The following ACTR3C variants were observed in gnomAD, a reference collection of about 807,000 sequenced individuals.
The protein encoded by ACTR3C is actin related protein 3C, also known as actin-related protein 3C.
ACTR3C carries 18 observed loss-of-function variants against 26.3 expected under a neutral mutation model. That is an observed-to-expected ratio of 0.68 (90% CI 0.47 to 1.01). The LOEUF (loss-of-function observed/expected upper bound fraction) is 1.01. ACTR3C is among the 50% of genes least tolerant of loss of function. The probability of loss-of-function intolerance (pLI) is 0.00; values close to 1 mark genes in which losing one functional copy is unlikely to be tolerated. For missense variants in ACTR3C, 184 were observed against 250.7 expected (o/e 0.73, Z 1.80); for synonymous variants, 55 against 94.5 (o/e 0.58, Z 2.42).
the ACTR3C span, among the ~76,000 whole-genome samples, chr7:150,036,070 G>A: frequency 2.0e-4 from 15 of 74,780 alleles, no homozygotes; most frequent in South Asian, 3.6e-4. Context: ...TCCCCGCGTC[G>A]CGAGGGGTGC....
chr7:150,035,949 G>T, the ACTR3C span, among the ~76,000 whole-genome samples: 1 of 133,288 alleles, frequency 7.5e-6, no homozygotes, highest in African/African-American at 2.8e-5. Context: ...GGGGTCCTCA[G>T]AGCCAGGGCG....
At chr7:150,065,306 C>A in the ACTR3C span, among the ~76,000 whole-genome samples, 1 of 152,158 alleles carries the variant, frequency 6.6e-6, no homozygotes, top group Non-Finnish European at 1.5e-5. Flanking sequence ...AATTTACCAT[C>A]GAAAACCAAA....
At chr7:150,235,730 T>A in the ACTR3C span, among the ~76,000 whole-genome samples, 1 of 152,078 alleles carries the variant, frequency 6.6e-6, no homozygotes, top group Non-Finnish European at 1.5e-5. Context: ...ATTAGGAATG[T>A]AAAAACACGC....
chr7:150,038,297 C>A, the ACTR3C span, among the ~76,000 whole-genome samples: 1 of 144,744 alleles, frequency 6.9e-6, no homozygotes, highest in African/African-American at 2.6e-5. Flanking sequence ...AGGCTACGGG[C>A]CTCAGCCAGG....
chr7:149,964,809 C>T, the ACTR3C span, among the ~76,000 whole-genome samples: 7 of 152,038 alleles, frequency 4.6e-5, no homozygotes, highest in Non-Finnish European at 8.8e-5. Context: ...GATTTGAGTT[C>T]ACTGGTTTCT....
At chr7:150,095,502 T>C in the ACTR3C span, among the ~76,000 whole-genome samples, 6 of 150,632 alleles carry the variant, frequency 4.0e-5, no homozygotes, top group Non-Finnish European at 8.8e-5. Context: ...ATCTGAAAAA[T>C]AGGCCTTTTC....
the ACTR3C span, among the ~76,000 whole-genome samples, chr7:150,073,180 C>A: frequency 2.6e-5 from 4 of 152,066 alleles, no homozygotes; most frequent in Admixed American, 2.6e-4. Context: ...TTCAGAGAGA[C>A]CCCTCACCCC....
the ACTR3C span, among the ~76,000 whole-genome samples, chr7:149,886,488 C>T: frequency 6.6e-6 from 1 of 152,106 alleles, no homozygotes; most frequent in African/African-American, 2.4e-5. Context: ...CAAGATATTC[C>T]TGGAAAAGCA....
the ACTR3C span, among the ~76,000 whole-genome samples, chr7:150,149,815 A>G: frequency 1.3e-5 from 2 of 152,078 alleles, no homozygotes; most frequent in African/African-American, 4.8e-5. Context: ...CTTCCCAATG[A>G]GGTTATAAAG....
intron 6 of ACTR3C, among the ~76,000 whole-genome samples, chr7:150,284,534 A>C (rs1189361251): frequency 1.3e-5 from 2 of 152,238 alleles, no homozygotes; most frequent in Non-Finnish European, 2.9e-5. Flanking sequence ...TGACAGAGCA[A>C]GACTCCGTCT....
chr7:150,129,562 T>G, the ACTR3C span, among the ~76,000 whole-genome samples: 4 of 152,266 alleles, frequency 2.6e-5, no homozygotes, highest in Middle Eastern at 6.8e-3. Flanking sequence ...AAAAGTCAAT[T>G]TACAAAAATA....
the ACTR3C span, among the ~76,000 whole-genome samples, chr7:150,006,481 G>T: frequency 6.7e-6 from 1 of 149,596 alleles, no homozygotes; most frequent in Non-Finnish European, 1.5e-5. Context: ...ACAGGCATGA[G>T]CCACCGCAAA....
chr7:150,225,505 T>C, the ACTR3C span, among the ~76,000 whole-genome samples: 1 of 152,232 alleles, frequency 6.6e-6, no homozygotes, highest in Non-Finnish European at 1.5e-5. Context: ...AGTTCTACTC[T>C]ATATGTACAG....
the ACTR3C span, among the ~76,000 whole-genome samples, chr7:149,952,095 CTTA>C: frequency 3.4e-4 from 52 of 151,294 alleles, no homozygotes; most frequent in African/African-American, 1.2e-3. Flanking sequence ...TCTTCCTCTT[CTTA>C]TAAGGATGTC....
the ACTR3C span, among the ~76,000 whole-genome samples, chr7:149,953,789 C>T: frequency 1.4e-5 from 2 of 147,712 alleles, no homozygotes; most frequent in African/African-American, 5.0e-5. Flanking sequence ...TGATATTAGA[C>T]TAGGAGTGAT....
intron 1 of ACTR3C, among the ~76,000 whole-genome samples, chr7:150,309,545 C>G (rs1354223331): frequency 6.6e-6 from 1 of 152,168 alleles, no homozygotes; most frequent in Admixed American, 6.5e-5. Flanking sequence ...CCCAGCCATG[C>G]CTTCAGCACA....
chr7:150,250,533 A>G (rs550082388), intron 6 of ACTR3C, among the ~76,000 whole-genome samples: 2 of 151,882 alleles, frequency 1.3e-5, no homozygotes, highest in East Asian at 1.9e-4. Context: ...CACCTTAGCT[A>G]CTGTGTTGAG....
the ACTR3C span, among the ~76,000 whole-genome samples, chr7:150,206,477 G>A: frequency 1.3e-5 from 2 of 151,994 alleles, no homozygotes; most frequent in South Asian, 2.1e-4. Context: ...GAAATGGCAC[G>A]ATTTTGGCTC....
the ACTR3C span, among the ~76,000 whole-genome samples, chr7:150,080,324 T>C: frequency 6.6e-6 from 1 of 150,920 alleles, no homozygotes; most frequent in Non-Finnish European, 1.5e-5. Context: ...TCCTTCCTTC[T>C]CTCATCTGCA....
Sources: allele counts gnomAD v4.1 joint callset (sites outside exome capture counted in the v4.1 genomes callset), GRCh38; gene constraint gnomAD v4.1.1; transcripts MANE v1.5; gene names NCBI Gene and HGNC (gene_info 2026-07-23, HGNC 2026-07-21).